Variants in UNC13B observed in about 807,000 individuals in gnomAD.
The protein encoded by UNC13B is protein unc-13 homolog B.
Under a neutral mutation model 211.0 loss-of-function variants are expected in UNC13B, and 144 were observed. The observed-to-expected ratio is 0.68, with a 90% CI of 0.60 to 0.78. The LOEUF (loss-of-function observed/expected upper bound fraction) is 0.78. UNC13B is among the 30% of genes least tolerant of loss of function. UNC13B has a pLI of 0.00. For synonymous variants in UNC13B, 709 were observed against 725.8 expected (o/e 0.98, Z 0.37); for missense variants, 1,777 against 2,002.0 (o/e 0.89, Z 2.14).
At chr9:35,248,290 T>G (rs1404489372) in intron 6 of UNC13B, among the ~76,000 whole-genome samples, 1 of 152,010 alleles carries the variant, frequency 6.6e-6, no homozygotes, top group Admixed American at 6.6e-5. Context: ...TTTTGTTGAT[T>G]TTTTCAAAAA....
At chr9:35,179,033 A>G (rs991951259) in intron 1 of UNC13B, among the ~76,000 whole-genome samples, 1 of 152,034 alleles carries the variant, frequency 6.6e-6, no homozygotes, top group African/African-American at 2.4e-5. Flanking sequence ...TGTTATCCTC[A>G]TTTTACAAAT....
Position 35,390,673 on chromosome 9 carries a change from T to G in UNC13B, c.11267T>G (p.Met3756Arg). The G allele has an allele frequency of 6.2e-7, 1 of 1,614,188 alleles. No individual in the cohort carries two copies. Among genetic ancestry groups the G allele is most frequent in the Non-Finnish European group, 8.5e-7 (1 of 1,180,034 alleles). The stretch of plus-strand genomic sequence containing the variant: ...GTGGGAAAAGTCAGCGCAGAAGTGA[T>G]GTGGCATTTGTTTGCCCAAGACATG... ...LNVGKVSAEV[M>R]WHLFAQDMKY... The change falls in exon 26 of 40, where the codon ATG (methionine) becomes AGG (arginine). Residue 3756 changes from methionine to arginine, a missense_variant. Coordinates refer to ENST00000635942, the MANE Select transcript of UNC13B (RefSeq NM_001371189.2).
intron 11 of UNC13B, chr9:35,364,591 C>T (rs750628522): frequency 2.1e-5 from 33 of 1,535,142 alleles, no homozygotes; most frequent in African/African-American, 2.7e-5. Flanking sequence ...CCCTTTGGGT[C>T]GTCCTTTTTT....
At position 35,302,332 on chromosome 9, in the gene UNC13B, T is replaced by A; in HGVS notation, c.2928T>A (p.Asp976Glu). The stretch of plus-strand genomic sequence containing the variant: ...CTAGTTCAGTTCCAAATATTCATGA[T>A]GATCTAGAGAAGTTTGACAGTATAA... ...IKSSSVPNIH[D>E]DLEKFDSIKE... The change falls in exon 9 of 40, where the codon GAT becomes GAA. Residue 976 changes from aspartate (D) to glutamate (E), a missense_variant. Transcript: ENST00000635942. 2.5e-6 allele frequency: 1 copy of A among 398,610 alleles called. No individual in the cohort carries two copies. Among genetic ancestry groups the A allele is most frequent in the Non-Finnish European group, 4.4e-6 (1 of 225,760 alleles). The allele number at this position is 398,610 out of a possible 1,614,324, so 24.7% of individuals were successfully genotyped here.
At chr9:35,252,455 C>T (rs1564094472) in intron 6 of UNC13B, among the ~76,000 whole-genome samples, 1 of 151,968 alleles carries the variant, frequency 6.6e-6, no homozygotes. Flanking sequence ...CAGGCGTGCA[C>T]TACCATGCCT....
chr9:35,349,249 G>A (rs1832564312), intron 11 of UNC13B, among the ~76,000 whole-genome samples: 1 of 151,524 alleles, frequency 6.6e-6, no homozygotes, highest in Non-Finnish European at 1.5e-5. Context: ...AATTTGAAAG[G>A]CCACTTGCCA....
intron 6 of UNC13B, among the ~76,000 whole-genome samples, chr9:35,248,321 A>G (rs1228823578): frequency 4.6e-5 from 7 of 151,836 alleles, no homozygotes; most frequent in Non-Finnish European, 1.0e-4. Flanking sequence ...GGATTCATTG[A>G]TTTTTTTGAA....
intron 7 of UNC13B, among the ~76,000 whole-genome samples, chr9:35,274,476 G>A (rs564448173): frequency 6.6e-5 from 10 of 152,268 alleles, no homozygotes; most frequent in Non-Finnish European, 2.9e-5. Context: ...ATTGAATTTT[G>A]AAGGGACAGA....
At chr9:35,172,275 C>T (rs1252648794) in intron 1 of UNC13B, among the ~76,000 whole-genome samples, 6 of 151,648 alleles carry the variant, frequency 4.0e-5, no homozygotes, top group Admixed American at 3.3e-4. Flanking sequence ...ATGATCAATT[C>T]AGGGCAATTA....
intron 7 of UNC13B, among the ~76,000 whole-genome samples, chr9:35,268,197 C>G (rs1357102609): frequency 6.6e-6 from 1 of 152,122 alleles, no homozygotes; most frequent in East Asian, 1.9e-4. Context: ...TTTTTCCCCT[C>G]CCCAGGAGGT....
At chr9:35,200,907 T>C (rs1823246167) in intron 1 of UNC13B, among the ~76,000 whole-genome samples, 1 of 152,242 alleles carries the variant, frequency 6.6e-6, no homozygotes, top group South Asian at 2.1e-4. Context: ...CATCCCTGTC[T>C]TGTGCCAGTT....
At chr9:35,343,481 C>T (rs1296802879) in intron 11 of UNC13B, among the ~76,000 whole-genome samples, 4 of 152,162 alleles carry the variant, frequency 2.6e-5, no homozygotes, top group African/African-American at 9.6e-5. Context: ...AAGCGGGGTA[C>T]CGTGAAAGGG....
chr9:35,396,503 G>C lies in UNC13B; in HGVS notation c.11336G>C (p.Ser3779Thr), dbSNP rs149118832. 19 of 1,614,064 alleles carry C rather than the reference G, an allele frequency of 1.2e-5. No individual in the cohort carries two copies. Among genetic ancestry groups the C allele is most frequent in the Non-Finnish European group, 1.4e-5 (16 of 1,180,052 alleles). The change falls in exon 27 of 40, where the codon AGT (serine) becomes ACT (threonine). Residue 3779 changes from serine (S) to threonine (T), a missense_variant. By Grantham distance (58) the Ser-to-Thr change is moderately conservative. Transcript: ENST00000635942. ...EEHEKDHLCK[S>T]ADYMNLHFKV... ...CATGAGAAAGACCACCTGTGTAAAA[G>C]TGCTGACTACATGAACCTGCACTTC...
At chr9:35,162,668 C>T (rs956239225) in intron 1 of UNC13B, among the ~76,000 whole-genome samples, 4 of 152,176 alleles carry the variant, frequency 2.6e-5, no homozygotes, top group Admixed American at 1.3e-4. Flanking sequence ...TCCTCCTCCT[C>T]GCACCGTAAC....
intron 21 of UNC13B, 35 bp from the exon 22 acceptor site, chr9:35,384,211 C>G: frequency 2.5e-6 from 4 of 1,613,232 alleles, no homozygotes; most frequent in Non-Finnish European, 3.4e-6. Flanking sequence ...CACAGGTTCT[C>G]TTTTTCTTCC....
intron 1 of UNC13B, among the ~76,000 whole-genome samples, chr9:35,206,366 C>T (rs1169143124): frequency 1.3e-5 from 2 of 152,120 alleles, no homozygotes; most frequent in African/African-American, 4.8e-5. Context: ...TACCCATACA[C>T]ATTAAATAAT....
chr9:35,368,809 A>T (rs1341082397), intron 12 of UNC13B, among the ~76,000 whole-genome samples: 1 of 148,032 alleles, frequency 6.8e-6, no homozygotes, highest in East Asian at 2.0e-4. Context: ...AAGATCATTT[A>T]TGTTTAAAAA....
At chr9:35,245,681 C>T (rs1481659311) in intron 6 of UNC13B, among the ~76,000 whole-genome samples, 1 of 151,976 alleles carries the variant, frequency 6.6e-6, no homozygotes, top group East Asian at 1.9e-4. Flanking sequence ...GACATGAACT[C>T]ATCATTTTTT....
At chr9:35,375,004 C>A in intron 13 of UNC13B, 123 bp from the exon 14 acceptor site, 1 of 985,950 alleles carries the variant, frequency 1.0e-6, no homozygotes, top group Non-Finnish European at 1.6e-6. Flanking sequence ...CTGTGAGTGA[C>A]AATAAAAATA....
Sources: allele counts gnomAD v4.1 joint callset (sites outside exome capture counted in the v4.1 genomes callset), GRCh38; gene constraint gnomAD v4.1.1; transcripts MANE v1.5; gene names NCBI Gene and HGNC (gene_info 2026-07-23, HGNC 2026-07-21).